Variants in ZNF697 observed in about 807,000 individuals in gnomAD.
ZNF697 encodes zinc finger protein 697.
ZNF697 carries 23 observed loss-of-function variants against 32.4 expected under a neutral mutation model. That is an observed-to-expected ratio of 0.71 (90% CI 0.51 to 1.01). The LOEUF is 1.01. ZNF697 is among the 50% of genes least tolerant of loss of function. The pLI is 0.00. For synonymous variants in ZNF697, 418 were observed against 337.2 expected (o/e 1.24, Z -2.62); for missense variants, 930 against 794.0 (o/e 1.17, Z -2.06).
In ZNF697 at chr1:119,622,039, G is replaced by A. The variant is rs587731398; in HGVS notation, c.*666C>T. On this transcript the variant is annotated 3_prime_UTR_variant, in exon 3 of 3. Coordinates refer to ENST00000421812, the MANE Select transcript of ZNF697 (RefSeq NM_001080470.2). ...GACAGAATCAGGATTTCCCACATCA[G>A]AGAACCAGTTATAAATGAATTTCTA... 11 of 152,768 alleles carry A rather than the reference G, an allele frequency of 7.2e-5. No homozygotes were observed. Among genetic ancestry groups the A allele is most frequent in the African/African-American group, 2.6e-4 (11 of 41,566 alleles). The allele number at this position is 152,768 out of a possible 1,614,324, so 9.5% of individuals were successfully genotyped here. A position where few individuals can be genotyped will look rare whatever the true frequency, so the allele number is the denominator to read the frequency against.
chr1:119,647,350 T>G (rs116306248), intron 1 of ZNF697, among the ~76,000 whole-genome samples: 1 of 152,088 alleles, frequency 6.6e-6, no homozygotes, highest in Non-Finnish European at 1.5e-5. Flanking sequence ...ACCACCTACC[T>G]ACATGGACAC....
chr1:119,640,807 G>T (rs1212690472), intron 1 of ZNF697, among the ~76,000 whole-genome samples: 1 of 152,216 alleles, frequency 6.6e-6, no homozygotes, highest in African/African-American at 2.4e-5. Context: ...GTAAGGCAGG[G>T]CAGGGAGTGC....
At position 119,625,981 on chromosome 1, in the gene ZNF697, G is replaced by T; in HGVS notation, c.120C>A (p.Gly40=). The change falls in exon 2 of 3, where the codon GGC becomes GGA. Residue 40 remains glycine (G), a synonymous_variant. Transcript: ENST00000421812. ...TCTTGTTTGTGTCATGTGGATTAGA[G>T]CCCATTTCTCTTTCTTCTGGGTCCC... ...REGDPEEREM[G]SNPHDTNKRE... The T allele has an allele frequency of 6.2e-7, 1 of 1,613,992 alleles. No individual in the cohort carries two copies. Among genetic ancestry groups the T allele is most frequent in the South Asian group, 1.1e-5 (1 of 91,086 alleles).
At position 119,647,771 on chromosome 1, in the gene ZNF697, G is replaced by T. The variant is rs1375615038; in HGVS notation, c.-118C>A. ...TGCCCCCTTCGGTGGTCGGCGGGAC[G>T]GTCCTATTCCCTCTTGCATCGCTGT... On this transcript the variant is annotated 5_prime_UTR_variant, in exon 1 of 3. Transcript: ENST00000421812. 1.3e-5 allele frequency: 2 copies of T among 151,706 alleles called. No individual in the cohort carries two copies. The highest frequency in any genetic ancestry group is 4.9e-5 in the African/African-American group (2 of 41,194). 9.4% of individuals were successfully genotyped at this position (151,706 alleles called of 1,614,324 possible). A position where few individuals can be genotyped will look rare whatever the true frequency, so the allele number is the denominator to read the frequency against.
rs993585952 is a variant in ZNF697, at chr1:119,632,251, G to A, written c.-37-6114C>T. Among the ~76,000 whole-genome samples, 3 of 152,188 alleles carry A rather than the reference G, an allele frequency of 2.0e-5. No individual in the cohort carries two copies. In the South Asian group the frequency reaches 6.2e-4, roughly 32 times the overall value. ...ACACAGAATGTGTCCACAACCAAAC[G>A]TGGCAGGCGAACTTCCCCTCAGCTG... On this transcript the variant is annotated intron_variant, in intron 1 of 2. Coordinates refer to ENST00000421812, the MANE Select transcript of ZNF697 (RefSeq NM_001080470.2).
intron 1 of ZNF697, among the ~76,000 whole-genome samples, chr1:119,642,554 A>T (rs1265669461): frequency 6.6e-6 from 1 of 152,160 alleles, no homozygotes; most frequent in Non-Finnish European, 1.5e-5. Flanking sequence ...ATATATATGT[A>T]CATAATGTAC....
chr1:119,622,607 TC>T lies in ZNF697; in HGVS notation c.*97del. Reference sequence around the variant, plus strand: ...AGGCTCCCCAGTCACTCTCAGATTGTCCCTCCCGCCCCTTCCCCACTTCCTT... The same window carrying T: ...AGGCTCCCCAGTCACTCTCAGATTGTCCTCCCGCCCCTTCCCCACTTCCTT... On this transcript the variant is annotated 3_prime_UTR_variant, in exon 3 of 3. Coordinates refer to ENST00000421812, the MANE Select transcript of ZNF697 (RefSeq NM_001080470.2). 7.0e-7 allele frequency: 1 copy of T among 1,430,486 alleles called. No individual in the cohort carries two copies. Among genetic ancestry groups the T allele is most frequent in the East Asian group, 2.5e-5 (1 of 39,732 alleles). 88.6% of individuals were successfully genotyped at this position (1,430,486 alleles called of 1,614,324 possible). A position where few individuals can be genotyped will look rare whatever the true frequency, so the allele number is the denominator to read the frequency against.
chr1:119,643,823 T>G (rs1164016574), intron 1 of ZNF697, among the ~76,000 whole-genome samples: 1 of 152,232 alleles, frequency 6.6e-6, no homozygotes, highest in Non-Finnish European at 1.5e-5. Context: ...AAACTCAGCT[T>G]ACAGTGGTCT....
intron 1 of ZNF697, among the ~76,000 whole-genome samples, chr1:119,647,411 G>C (rs1032439432): frequency 3.9e-5 from 6 of 152,146 alleles, no homozygotes; most frequent in Non-Finnish European, 8.8e-5. Flanking sequence ...CTTGGGCTGC[G>C]AGCTGCTGCC....
chr1:119,641,600 C>T (rs900213039), intron 1 of ZNF697, among the ~76,000 whole-genome samples: 10 of 152,152 alleles, frequency 6.6e-5, no homozygotes, highest in African/African-American at 9.7e-5. Context: ...GGTTTGGCTG[C>T]GTCCCCACCC....
chr1:119,623,905 A>G lies in ZNF697; in HGVS notation c.438T>C (p.His146=), dbSNP rs374393078. The change falls in exon 3 of 3, where the codon CAT becomes CAC. Residue 146 remains histidine, a synonymous_variant. Coordinates refer to ENST00000421812, the MANE Select transcript of ZNF697 (RefSeq NM_001080470.2). ...CTCGGTGCCGACTCCCCAGGGAGAG[A>G]TGTCGCCTCCAGGGAAGTACGGGAG... ...PAPPVLPWRR[H]LSLGSRHRGD... is the part of the protein sequence containing the mutation. 1.9e-6 allele frequency: 3 copies of G among 1,556,896 alleles called. No individual in the cohort carries two copies. The highest frequency in any genetic ancestry group is 2.4e-5 in the South Asian group (2 of 83,302).
At chr1:119,642,484 T>C (rs587644285) in intron 1 of ZNF697, among the ~76,000 whole-genome samples, 1 of 152,294 alleles carries the variant, frequency 6.6e-6, no homozygotes, top group African/African-American at 2.4e-5. Flanking sequence ...AGACAGGAAC[T>C]CTACTTTCTC....
At position 119,623,304 on chromosome 1, in the gene ZNF697, CCCCCGCGCCGCTGG is replaced by C; in HGVS notation, c.1025_1038del (p.Ala342GlyfsTer88). On this transcript the variant is annotated frameshift_variant, in exon 3 of 3. Transcript: ENST00000421812. LOFTEE classifies it high-confidence loss of function. ...CAGGCGAAGGGCCGCAGCGCCGCCGCCCCCGCGCCGCTGGCCGCCGCGTGCGCGCGCCGGTGGCT... is the reference window on the plus strand; with the variant it reads ...CAGGCGAAGGGCCGCAGCGCCGCCGCCCGCCGCGTGCGCGCGCCGGTGGCT... 7.5e-7 allele frequency: 1 copy of C among 1,327,936 alleles called. No homozygotes were observed. The highest frequency in any genetic ancestry group is 9.6e-7 in the Non-Finnish European group (1 of 1,043,510). The allele number at this position is 1,327,936 out of a possible 1,614,324, so 82.3% of individuals were successfully genotyped here.
At position 119,622,437 on chromosome 1, in the gene ZNF697, T is replaced by G. The variant is rs1172364823; in HGVS notation, c.*268A>C. 2.1e-6 allele frequency: 1 copy of G among 487,548 alleles called. No homozygotes were observed. Among genetic ancestry groups the G allele is most frequent in the Admixed American group, 4.2e-5 (1 of 23,798 alleles). 30.2% of individuals were successfully genotyped at this position (487,548 alleles called of 1,614,324 possible). On this transcript the variant is annotated 3_prime_UTR_variant, in exon 3 of 3. Transcript: ENST00000421812. ...CAAAGTGCCTGGTCCTCCAAGCTCT[T>G]CACCCCCTACAGCGTGTATTTAAGG...
intron 1 of ZNF697, among the ~76,000 whole-genome samples, chr1:119,638,899 A>G (rs1299573135): frequency 6.6e-6 from 1 of 152,232 alleles, no homozygotes; most frequent in East Asian, 1.9e-4. Context: ...AGCACGGGTT[A>G]AAGTAGAAGT....
chr1:119,632,868 C>T (rs1030926718), intron 1 of ZNF697, among the ~76,000 whole-genome samples: 3 of 152,172 alleles, frequency 2.0e-5, no homozygotes, highest in Admixed American at 6.5e-5. Flanking sequence ...GAATCTTCCG[C>T]GACATAAATC....
At chr1:119,646,629 C>T (rs1649213047) in intron 1 of ZNF697, among the ~76,000 whole-genome samples, 1 of 152,166 alleles carries the variant, frequency 6.6e-6, no homozygotes, top group African/African-American at 2.4e-5. Flanking sequence ...TCCTGCCTGG[C>T]CATATAAGTG....
At chr1:119,644,329 A>G (rs1293536744) in intron 1 of ZNF697, among the ~76,000 whole-genome samples, 5 of 152,214 alleles carry the variant, frequency 3.3e-5, no homozygotes, top group African/African-American at 1.2e-4. Flanking sequence ...TTTCCAACTG[A>G]TGGTCATTAG....
At chr1:119,645,445 G>C (rs1649176366) in intron 1 of ZNF697, among the ~76,000 whole-genome samples, 1 of 152,192 alleles carries the variant, frequency 6.6e-6, no homozygotes, top group South Asian at 2.1e-4. Context: ...TGACTGTAAA[G>C]TTTGGGAAGA....
Sources: gnomAD v4.1 joint callset for allele counts (sites outside exome capture counted in the v4.1 genomes callset) on GRCh38, gnomAD v4.1.1 for gene constraint, MANE v1.5 for transcripts, NCBI Gene and HGNC (gene_info 2026-07-23, HGNC 2026-07-21) for gene names.